SSBP3: variants seen among roughly 807,000 people sequenced by gnomAD.
SSBP3 encodes the protein single-stranded DNA-binding protein 3.
Under a neutral mutation model 69.6 loss-of-function variants are expected in SSBP3, and 5 were observed. The ratio of observed to expected loss-of-function variants is 0.07; its 90% CI spans 0.04 to 0.15. SSBP3 has a LOEUF of 0.15. Ranked by LOEUF, SSBP3 falls within the 10% of genes least tolerant of loss-of-function variation. The pLI is 1.00. For synonymous variants in SSBP3, 196 were observed against 193.4 expected (o/e 1.01, Z -0.11); for missense variants, 312 against 534.0 (o/e 0.58, Z 4.10).
At chr1:54,284,997 G>A (rs376475799) in intron 4 of SSBP3, among the ~76,000 whole-genome samples, 13 of 152,226 alleles carry the variant, frequency 8.5e-5, no homozygotes, top group African/African-American at 3.1e-4. Flanking sequence ...ATGGAGTTTT[G>A]CTGTTCTCCA....
chr1:54,384,693 C>T (rs1647950034), intron 4 of SSBP3, among the ~76,000 whole-genome samples: 2 of 152,322 alleles, frequency 1.3e-5, no homozygotes, highest in South Asian at 4.1e-4. Context: ...AACTACAGCC[C>T]AGGAATCTCA....
chr1:54,343,206 G>C (rs959562585), intron 4 of SSBP3, among the ~76,000 whole-genome samples: 2 of 152,138 alleles, frequency 1.3e-5, no homozygotes, highest in African/African-American at 4.8e-5. Flanking sequence ...TTTATGTATT[G>C]AACACGTGAT....
upstream of SSBP3, among the ~76,000 whole-genome samples, chr1:54,410,871 T>C (rs1003130085): frequency 6.6e-6 from 1 of 152,106 alleles, no homozygotes; most frequent in Non-Finnish European, 1.5e-5. Flanking sequence ...TGATGGAGAG[T>C]AGCCGCTTGG....
At position 54,294,036 on chromosome 1, in the gene SSBP3, A is replaced by G. The variant is rs550584607; in HGVS notation, c.277-12509T>C. Reference sequence around the variant, plus strand: ...GCGCCTGTAATCCCAGCTACTCGGGAGGCTGAAGTGGGAGAATCCCTTGAA... The same window carrying G: ...GCGCCTGTAATCCCAGCTACTCGGGGGGCTGAAGTGGGAGAATCCCTTGAA... On this transcript the variant is annotated intron_variant, in intron 4 of 17. Coordinates refer to ENST00000610401, the Ensembl canonical transcript of SSBP3. Among the ~76,000 whole-genome samples, 156 of 149,048 alleles carry G rather than the reference A, an allele frequency of 1.0e-3. 2 individuals are homozygous for G. In the South Asian group the frequency reaches 0.028, roughly 26 times the overall value.
chr1:54,240,075 T>TGTGTGTGTGTGC (rs1644585802), intron 13 of SSBP3, among the ~76,000 whole-genome samples: 1 of 26,688 alleles, frequency 3.7e-5, no homozygotes, highest in Non-Finnish European at 7.5e-5. Context: ...TGTGTGTGTG[T>TGTGTGTGTGTGC]GTGTGTGTGT....
At chr1:54,380,488 T>C (rs2100720404) in intron 4 of SSBP3, among the ~76,000 whole-genome samples, 1 of 152,046 alleles carries the variant, frequency 6.6e-6, no homozygotes, top group Non-Finnish European at 1.5e-5. Flanking sequence ...ATGCTCCGAG[T>C]TAAAAACATT....
At chr1:54,365,603 G>A (rs1330743027) in intron 4 of SSBP3, among the ~76,000 whole-genome samples, 1 of 152,132 alleles carries the variant, frequency 6.6e-6, no homozygotes, top group South Asian at 2.1e-4. Context: ...ACAGAACTGG[G>A]TGGGCGTGGC....
At chr1:54,398,735 T>C (rs545076422) in intron 4 of SSBP3, among the ~76,000 whole-genome samples, 187 of 152,224 alleles carry the variant, frequency 1.2e-3, no homozygotes, top group Non-Finnish European at 1.9e-3. Flanking sequence ...GTGACCCTCC[T>C]CCCATGACCC....
chr1:54,265,926 C>T (rs1353865956), intron 5 of SSBP3, among the ~76,000 whole-genome samples: 1 of 152,256 alleles, frequency 6.6e-6, no homozygotes, highest in Non-Finnish European at 1.5e-5. Context: ...GACAGCCCTG[C>T]TGAGGCGTGA....
At position 54,294,165 on chromosome 1, in the gene SSBP3, AAG is replaced by A. The variant is rs1405845889; in HGVS notation, c.277-12640_277-12639del. Among the ~76,000 whole-genome samples, 547 of 74,308 alleles carry A rather than the reference AAG, an allele frequency of 7.4e-3. 2 individuals carry two copies. The highest frequency in any genetic ancestry group is 8.8e-3 in the Non-Finnish European group (348 of 39,562). The allele number at this position is 74,308 out of a possible 152,430, so 48.7% of individuals were successfully genotyped here. ...CTCAAAAAAAAAAAAAAAAAAAAGAAAGAAAGAAAGAAAGAAAGAAAGAAAGA... is the reference window on the plus strand; with the variant it reads ...CTCAAAAAAAAAAAAAAAAAAAAGAAAAAGAAAGAAAGAAAGAAAGAAAGA... On this transcript the variant is annotated intron_variant, in intron 4 of 17. Coordinates refer to ENST00000610401, the Ensembl canonical transcript of SSBP3.
At chr1:54,402,728 C>T (rs1291893596) in intron 3 of SSBP3, among the ~76,000 whole-genome samples, 1 of 152,124 alleles carries the variant, frequency 6.6e-6, no homozygotes, top group East Asian at 1.9e-4. Flanking sequence ...AAATGCCTGC[C>T]TCACCCCCCA....
At position 54,258,239 on chromosome 1, in the gene SSBP3, C is replaced by T. The variant is rs1427895328; in HGVS notation, c.367-90G>A. 7 of 1,055,682 alleles carry T rather than the reference C, an allele frequency of 6.6e-6. No homozygotes were observed. Among genetic ancestry groups the T allele is most frequent in the Non-Finnish European group, 7.5e-6 (6 of 795,472 alleles). The allele number at this position is 1,055,682 out of a possible 1,614,324, so 65.4% of individuals were successfully genotyped here. A position where few individuals can be genotyped will look rare whatever the true frequency, so the allele number is the denominator to read the frequency against. On this transcript the variant is annotated intron_variant, in intron 5 of 17. Coordinates refer to ENST00000610401, the Ensembl canonical transcript of SSBP3. The surrounding 1 kb of genome is among the most constrained non-coding windows in gnomAD (Gnocchi z 4.5). ...TAAAAGAACAAAAATTAAACCAAAA[C>T]GAAGGGTGGGCGGCGGGCGTGCGGG...
chr1:54,292,265 A>C lies in SSBP3; in HGVS notation c.277-10738T>G, dbSNP rs553716239. Among the ~76,000 whole-genome samples the C allele has an allele frequency of 2.6e-5, 4 of 152,270 alleles. No individual in the cohort carries two copies. The East Asian group carries it at 7.7e-4, about 29-fold the overall frequency. On this transcript the variant is annotated intron_variant, in intron 4 of 17. Coordinates refer to ENST00000610401, the Ensembl canonical transcript of SSBP3. ...CTACCTGACTTCAACATCCACAATTAATTCCCCTCTACCGAATTCTTCAGA... is the reference window on the plus strand; with the variant it reads ...CTACCTGACTTCAACATCCACAATTCATTCCCCTCTACCGAATTCTTCAGA...
chr1:54,228,706 G>A, intron 15 of SSBP3, 42 bp downstream of exon 15: 1 of 1,552,708 alleles, frequency 6.4e-7, no homozygotes. Flanking sequence ...AGAGCTGGCT[G>A]CCCAGGCAGG....
chr1:54,404,992 C>T, intron 1 of SSBP3, 62 bp from the exon 2 acceptor site: 1 of 1,462,916 alleles, frequency 6.8e-7, no homozygotes, highest in South Asian at 1.2e-5. Flanking sequence ...CCGGCGCTCT[C>T]CAGGACCTTG....
At chr1:54,259,594 G>T (rs963111382) in intron 5 of SSBP3, among the ~76,000 whole-genome samples, 3 of 152,246 alleles carry the variant, frequency 2.0e-5, no homozygotes, top group African/African-American at 7.2e-5. Context: ...GGGTGAGTGT[G>T]GCTAAATTAA....
intron 4 of SSBP3, among the ~76,000 whole-genome samples, chr1:54,296,197 A>G (rs888128809): frequency 2.6e-5 from 4 of 152,240 alleles, no homozygotes. Context: ...TGCAAAAAGC[A>G]GCCTTAACTC....
At chr1:54,227,726 C>A (rs892590144) in intron 17 of SSBP3, among the ~76,000 whole-genome samples, 1 of 152,144 alleles carries the variant, frequency 6.6e-6, no homozygotes, top group African/African-American at 2.4e-5. Context: ...TATAGGCATG[C>A]GACACTACAC....
intron 4 of SSBP3, among the ~76,000 whole-genome samples, chr1:54,306,581 C>A (rs2100231601): frequency 6.6e-6 from 1 of 152,294 alleles, no homozygotes; most frequent in South Asian, 2.1e-4. Flanking sequence ...TTAGGAGCTG[C>A]CACTGGTATT....
Sources: gnomAD v4.1 joint callset for allele counts (sites outside exome capture counted in the v4.1 genomes callset) on GRCh38, gnomAD v4.1.1 for gene constraint, Gnocchi (gnomAD v3.1) non-coding constraint, MANE v1.5 for transcripts, NCBI Gene and HGNC (gene_info 2026-07-23, HGNC 2026-07-21) for gene names.